Variants in HIVEP3 observed in about 807,000 individuals in gnomAD.
HIVEP3 encodes the protein HIVEP zinc finger 3.
In HIVEP3, 49 loss-of-function variants were observed where a neutral mutation model predicts 152.8. That is an observed-to-expected ratio of 0.32 (90% CI 0.26 to 0.41). The LOEUF (loss-of-function observed/expected upper bound fraction) is 0.41. Among genes scored for constraint, HIVEP3 ranks in the 10% least tolerant of loss-of-function variants. The probability of loss-of-function intolerance (pLI) is 1.00; values close to 1 mark genes in which losing one functional copy is unlikely to be tolerated. For missense variants in HIVEP3, 2,790 were observed against 3,103.3 expected (o/e 0.90, Z 2.40); for synonymous variants, 1,269 against 1,289.0 (o/e 0.98, Z 0.33).
intron 1 of HIVEP3, among the ~76,000 whole-genome samples, chr1:41,965,299 A>T (rs1225052792): frequency 6.6e-6 from 1 of 152,252 alleles, no homozygotes; most frequent in African/African-American, 2.4e-5. Context: ...AAGATGAGAA[A>T]GAAGCAAAAC....
In HIVEP3 at chr1:41,568,153, T is replaced by A. The variant is rs111350204; in HGVS notation, c.5207+7391A>T. On this transcript the variant is annotated intron_variant, in intron 5 of 8. Transcript: ENST00000372583. Reference sequence around the variant, plus strand: ...TCCTGCCCTCTCACAGAGCTTACAGTCTGGTGGAGGAAACAGAAGCACACT... The same window carrying A: ...TCCTGCCCTCTCACAGAGCTTACAGACTGGTGGAGGAAACAGAAGCACACT... Among the ~76,000 whole-genome samples, 346 of 152,262 alleles carry A rather than the reference T, an allele frequency of 2.3e-3. 1 individual carries two copies. Among genetic ancestry groups the A allele is most frequent in the African/African-American group, 7.7e-3 (318 of 41,548 alleles).
At position 41,580,276 on chromosome 1, in the gene HIVEP3, C is replaced by T. The variant is rs1181220400; in HGVS notation, c.4522G>A (p.Asp1508Asn). The change falls in exon 4 of 9, where the codon GAC becomes AAC. Residue 1508 changes from aspartate (D) to asparagine (N), a missense_variant. Physicochemically the swap from Asp to Asn is conservative, Grantham distance 23. Transcript: ENST00000372583. The part of the protein sequence containing the change: ...MLSSLSSDPS[D>N]TKEIPPLPHP... ...GGGAGGGGAGGAATTTCCTTTGTGT[C>T]AGATGGATCTGAGGACAGGCTGGAC... The T allele has an allele frequency of 1.2e-6, 2 of 1,614,040 alleles. No individual in the cohort carries two copies. The highest frequency in any genetic ancestry group is 1.7e-6 in the Non-Finnish European group (2 of 1,179,956).
intron 1 of HIVEP3, among the ~76,000 whole-genome samples, chr1:41,703,085 A>G (rs1646386874): frequency 6.6e-6 from 1 of 152,212 alleles, no homozygotes; most frequent in Admixed American, 6.5e-5. Flanking sequence ...AAGATAGAAT[A>G]GGTACATTAC....
At chr1:41,978,198 A>T (rs892279172) in intron 1 of HIVEP3, among the ~76,000 whole-genome samples, 1 of 152,158 alleles carries the variant, frequency 6.6e-6, no homozygotes. Flanking sequence ...TAAGGAATCC[A>T]CTAGGTTGGA....
chr1:41,685,219 C>A (rs1043266232), intron 2 of HIVEP3, among the ~76,000 whole-genome samples: 1 of 152,188 alleles, frequency 6.6e-6, no homozygotes, highest in African/African-American at 2.4e-5. Flanking sequence ...GTGCTACTCC[C>A]CCAAACAGAA....
At chr1:41,749,042 C>T (rs1647115329) in intron 1 of HIVEP3, among the ~76,000 whole-genome samples, 1 of 152,184 alleles carries the variant, frequency 6.6e-6, no homozygotes, top group South Asian at 2.1e-4. Context: ...TCAATATACA[C>T]TTGTCTCTCT....
intron 1 of HIVEP3, among the ~76,000 whole-genome samples, chr1:41,868,484 G>A (rs1644022574): frequency 6.6e-6 from 1 of 152,122 alleles, no homozygotes; most frequent in Admixed American, 6.5e-5. Flanking sequence ...GAACCGATAA[G>A]ACACTGAAAA....
intron 1 of HIVEP3, among the ~76,000 whole-genome samples, chr1:41,781,502 A>G (rs916813421): frequency 2.6e-5 from 4 of 152,200 alleles, no homozygotes; most frequent in African/African-American, 9.7e-5. Context: ...GCCAACTGCC[A>G]TAGTTCAGAC....
chr1:41,536,175 G>A (rs1289153584), intron 5 of HIVEP3, among the ~76,000 whole-genome samples: 1 of 152,144 alleles, frequency 6.6e-6, no homozygotes, highest in Non-Finnish European at 1.5e-5. Context: ...ATGGAAAGAA[G>A]CTGCTCTGCC....
chr1:41,669,349 C>T (rs1001850632), intron 2 of HIVEP3, among the ~76,000 whole-genome samples: 1 of 151,960 alleles, frequency 6.6e-6, no homozygotes, highest in Admixed American at 6.6e-5. Flanking sequence ...AGATCAATAG[C>T]AGTCTGGGGG....
In HIVEP3 at chr1:41,567,523, G is replaced by C. The variant is rs140334901; in HGVS notation, c.5207+8021C>G. The stretch of plus-strand genomic sequence containing the variant: ...CTCAGAGCTGCACATCTACATTTCT[G>C]GGGAGAAGCCTGAGAATTAAAGAGA... On this transcript the variant is annotated intron_variant, in intron 5 of 8. Coordinates refer to ENST00000372583, the MANE Select transcript of HIVEP3 (RefSeq NM_024503.5). 9.4e-3 allele frequency among the ~76,000 whole-genome samples: 1,439 copies of C among 152,292 alleles called. 23 individuals carry two copies. Among genetic ancestry groups the C allele is most frequent in the African/African-American group, 0.033 (1,357 of 41,552 alleles).
intron 5 of HIVEP3, 83 bp downstream of exon 5, chr1:41,575,461 G>T: frequency 6.8e-7 from 1 of 1,477,346 alleles, no homozygotes; most frequent in South Asian, 1.2e-5. Context: ...CTTGCCAACT[G>T]AGCCACTGCT....
At chr1:41,797,114 A>C (rs1431505880) in intron 1 of HIVEP3, among the ~76,000 whole-genome samples, 1 of 152,202 alleles carries the variant, frequency 6.6e-6, no homozygotes, top group Non-Finnish European at 1.5e-5. Flanking sequence ...GGCCTCCTCA[A>C]GGTGTCTTTG....
intron 2 of HIVEP3, among the ~76,000 whole-genome samples, chr1:41,667,398 T>C (rs979981551): frequency 1.3e-5 from 2 of 152,266 alleles, no homozygotes; most frequent in African/African-American, 4.8e-5. Flanking sequence ...GCTCTGAGAC[T>C]GCCTCATTCT....
At chr1:41,789,885 T>A (rs1476008017) in intron 1 of HIVEP3, among the ~76,000 whole-genome samples, 2 of 152,210 alleles carry the variant, frequency 1.3e-5, no homozygotes, top group African/African-American at 4.8e-5. Flanking sequence ...CAAGGTCACA[T>A]TTAAATAAGT....
At chr1:41,670,934 G>C (rs1459227129) in intron 2 of HIVEP3, among the ~76,000 whole-genome samples, 1 of 152,238 alleles carries the variant, frequency 6.6e-6, no homozygotes, top group Non-Finnish European at 1.5e-5. Context: ...CCTTCCTGGA[G>C]TGTGGGGCCT....
intron 2 of HIVEP3, among the ~76,000 whole-genome samples, chr1:41,630,856 T>C (rs1399195370): frequency 2.0e-5 from 3 of 152,116 alleles, no homozygotes; most frequent in African/African-American, 4.8e-5. Context: ...AGAAAACTAA[T>C]ACAGCCTGGA....
Position 41,568,662 on chromosome 1 carries a change from C to T in HIVEP3, c.5207+6882G>A, listed in dbSNP as rs144100509. ...GGGAAAAATGGGCAGATTCTAGATA[C>T]GGTTTCAGGGCCAAGCTGCCAGGAT... On this transcript the variant is annotated intron_variant, in intron 5 of 8. Transcript: ENST00000372583. Among the ~76,000 whole-genome samples, 1,447 of 152,344 alleles carry T rather than the reference C, an allele frequency of 9.5e-3. 22 individuals are homozygous for T. The highest frequency in any genetic ancestry group is 0.033 in the African/African-American group (1,366 of 41,570).
rs1009659780 is a variant in HIVEP3, at chr1:41,506,796, A to G, written c.*3655T>C. 1.3e-5 allele frequency: 2 copies of G among 152,148 alleles called. No homozygotes were observed. The highest frequency in any genetic ancestry group is 1.3e-4 in the Admixed American group (2 of 15,276). 9.4% of individuals were successfully genotyped at this position (152,148 alleles called of 1,614,324 possible). The stretch of plus-strand genomic sequence containing the variant: ...AAGAACATAGAAACTTTCTACAGAC[A>G]ATTTCACATACAGAATACGTACACC... On this transcript the variant is annotated 3_prime_UTR_variant, in exon 9 of 9. Transcript: ENST00000372583.
Sources: gnomAD v4.1 joint callset for allele counts (sites outside exome capture counted in the v4.1 genomes callset) on GRCh38, gnomAD v4.1.1 for gene constraint, MANE v1.5 for transcripts, NCBI Gene and HGNC (gene_info 2026-07-23, HGNC 2026-07-21) for gene names.